SPAG16: variants seen among roughly 807,000 people sequenced by gnomAD.
SPAG16 encodes the protein sperm associated antigen 16.
In SPAG16, 86 loss-of-function variants were observed where a neutral mutation model predicts 80.4. The ratio of observed to expected loss-of-function variants is 1.07; its 90% CI spans 0.90 to 1.28. SPAG16 has a LOEUF of 1.28. Among genes scored for constraint, SPAG16 ranks in the 50% most tolerant of loss-of-function variants. The pLI, the probability that SPAG16 is intolerant of heterozygous loss-of-function variation, is 0.00. For missense variants in SPAG16, 870 were observed against 765.3 expected (o/e 1.14, Z -1.61); for synonymous variants, 294 against 265.9 (o/e 1.11, Z -1.03).
intron 10 of SPAG16, among the ~76,000 whole-genome samples, chr2:213,633,654 T>C (rs941325193): frequency 2.6e-5 from 4 of 152,150 alleles, no homozygotes; most frequent in Admixed American, 1.3e-4. Flanking sequence ...GTATTGGGAC[T>C]ATCTCTCTCT....
At chr2:213,713,563 C>T (rs748655684) in intron 10 of SPAG16, among the ~76,000 whole-genome samples, 2 of 152,206 alleles carry the variant, frequency 1.3e-5, no homozygotes, top group Non-Finnish European at 2.9e-5. Context: ...ACATCAGCCA[C>T]TTTAGGGCGT....
chr2:214,037,597 T>C (rs2125075374), intron 13 of SPAG16, among the ~76,000 whole-genome samples: 2 of 152,248 alleles, frequency 1.3e-5, no homozygotes, highest in East Asian at 3.9e-4. Context: ...ATTGATCTTA[T>C]ATCAATTCTG....
chr2:213,969,691 C>CT (rs1356409497), intron 12 of SPAG16, among the ~76,000 whole-genome samples: 2 of 152,076 alleles, frequency 1.3e-5, no homozygotes, highest in Non-Finnish European at 2.9e-5. Flanking sequence ...ATACATTTAT[C>CT]TTTTTTTATA....
intron 10 of SPAG16, among the ~76,000 whole-genome samples, chr2:213,742,745 G>A (rs2433720): frequency 0.93 from 140,316 of 151,656 alleles, 65,922 homozygotes; most frequent in East Asian, 1. Flanking sequence ...TACAGACAGC[G>A]TTTCACCATG....
intron 10 of SPAG16, among the ~76,000 whole-genome samples, chr2:213,543,817 T>C (rs1575910038): frequency 1.3e-5 from 2 of 152,102 alleles, no homozygotes; most frequent in East Asian, 3.8e-4. Flanking sequence ...ATTAATCATA[T>C]TGACTTCCTA....
chr2:213,760,224 A>C (rs2068580616), intron 10 of SPAG16, among the ~76,000 whole-genome samples: 1 of 152,194 alleles, frequency 6.6e-6, no homozygotes, highest in African/African-American at 2.4e-5. Flanking sequence ...TTGAAGGTAG[A>C]GGGACAGAAA....
At position 214,285,428 on chromosome 2, in the gene SPAG16, G is replaced by A. The variant is rs148079385; in HGVS notation, c.1721-124712G>A. Among the ~76,000 whole-genome samples, 427 of 152,102 alleles carry A rather than the reference G, an allele frequency of 2.8e-3. 1 individual carries two copies. The highest frequency in any genetic ancestry group is 9.4e-3 in the African/African-American group (388 of 41,486). On this transcript the variant is annotated intron_variant, in intron 15 of 15. Transcript: ENST00000331683. ...TTGCAAACATTTTTTCCCAATCCAT[G>A]AGTTTCTATTTCATTCTGTTGATTG...
At chr2:214,270,126 G>A (rs1691888441) in intron 15 of SPAG16, among the ~76,000 whole-genome samples, 1 of 152,080 alleles carries the variant, frequency 6.6e-6, no homozygotes, top group African/African-American at 2.4e-5. Flanking sequence ...CCAGGTACAA[G>A]ATCATGCACT....
At chr2:214,283,460 T>A (rs1693118983) in intron 15 of SPAG16, among the ~76,000 whole-genome samples, 1 of 152,130 alleles carries the variant, frequency 6.6e-6, no homozygotes, top group Non-Finnish European at 1.5e-5. Context: ...ACATTACATA[T>A]CTTAACTTCT....
intron 15 of SPAG16, among the ~76,000 whole-genome samples, chr2:214,312,708 AT>A (rs1272898291): frequency 6.6e-6 from 1 of 152,072 alleles, no homozygotes; most frequent in South Asian, 2.1e-4. Flanking sequence ...GCATTGGGTT[AT>A]TTTTTTGGCT....
intron 13 of SPAG16, among the ~76,000 whole-genome samples, chr2:214,062,020 C>CACACACACACACACACACACAT (rs1553706944): frequency 8.2e-5 from 12 of 146,560 alleles, no homozygotes; most frequent in South Asian, 2.2e-4. Flanking sequence ...CACACACACA[C>CACACACACACACACACACACAT]GCAGTGTGTA....
chr2:213,304,074 A>G (rs1379202801), intron 3 of SPAG16, among the ~76,000 whole-genome samples: 1 of 152,152 alleles, frequency 6.6e-6, no homozygotes, highest in Non-Finnish European at 1.5e-5. Flanking sequence ...GATAAAAGCC[A>G]TTTTAACTGG....
chr2:213,310,375 A>AT (rs1354258690), intron 4 of SPAG16, among the ~76,000 whole-genome samples, 198 bp downstream of exon 4: 1 of 144,876 alleles, frequency 6.9e-6, no homozygotes, highest in African/African-American at 2.6e-5. Flanking sequence ...CACACACACA[A>AT]ATCAGAATAG....
At chr2:213,297,209 G>T in intron 2 of SPAG16, 53 bp from the exon 3 acceptor site, 1 of 1,500,316 alleles carries the variant, frequency 6.7e-7, no homozygotes. Flanking sequence ...GTGAAATAAA[G>T]TATTTTATAT....
At chr2:214,178,040 A>T (rs771975869) in intron 15 of SPAG16, among the ~76,000 whole-genome samples, 29 of 139,792 alleles carry the variant, frequency 2.1e-4, no homozygotes, top group Non-Finnish European at 4.2e-4. Flanking sequence ...ATATAAACTC[A>T]AGTAGATATA....
chr2:214,041,976 GTGTATATATA>G (rs2049040920), intron 13 of SPAG16, among the ~76,000 whole-genome samples: 1 of 88,276 alleles, frequency 1.1e-5, no homozygotes, highest in Non-Finnish European at 2.2e-5. Context: ...GTGTCTGTGT[GTGTATATATA>G]TATATATATA....
chr2:213,936,998 G>A (rs1434524611), intron 12 of SPAG16, among the ~76,000 whole-genome samples: 1 of 152,088 alleles, frequency 6.6e-6, no homozygotes, highest in Non-Finnish European at 1.5e-5. Context: ...TTGTTATGAT[G>A]AATTACCTTC....
chr2:213,437,496 A>T (rs1028605563), intron 9 of SPAG16, among the ~76,000 whole-genome samples: 1 of 152,178 alleles, frequency 6.6e-6, no homozygotes, highest in Non-Finnish European at 1.5e-5. Flanking sequence ...TTCCTAAAAA[A>T]ATCTTTTGCC....
chr2:213,572,550 G>T (rs2059950802), intron 10 of SPAG16, among the ~76,000 whole-genome samples: 1 of 152,106 alleles, frequency 6.6e-6, no homozygotes, highest in South Asian at 2.1e-4. Flanking sequence ...TAGGCTGCTT[G>T]GGGGTCAGGA....
Sources: gnomAD v4.1 joint callset for allele counts (sites outside exome capture counted in the v4.1 genomes callset) on GRCh38, gnomAD v4.1.1 for gene constraint, MANE v1.5 for transcripts, NCBI Gene and HGNC (gene_info 2026-07-23, HGNC 2026-07-21) for gene names.